The following LRBA variants were observed in gnomAD, a reference collection of about 807,000 sequenced individuals.
LRBA encodes LPS responsive beige-like anchor protein, also known as lipopolysaccharide-responsive and beige-like anchor protein.
A neutral mutation model predicts 330.0 loss-of-function variants in LRBA; 176 were observed. The observed-to-expected ratio is 0.53, with a 90% CI of 0.47 to 0.60. The LOEUF (loss-of-function observed/expected upper bound fraction) is 0.60. LRBA is among the 20% of genes least tolerant of loss of function. The probability of loss-of-function intolerance (pLI) is 0.00; values close to 1 mark genes in which losing one functional copy is unlikely to be tolerated. For synonymous variants in LRBA, 1,230 were observed against 1,193.0 expected (o/e 1.03, Z -0.64); for missense variants, 3,259 against 3,444.8 (o/e 0.95, Z 1.35).
chr4:150,746,310 C>T (rs751750483), intron 35 of LRBA, among the ~76,000 whole-genome samples: 5 of 151,952 alleles, frequency 3.3e-5, no homozygotes, highest in South Asian at 2.1e-4. Flanking sequence ...TGGAATGTAC[C>T]GTAATTTATC....
chr4:150,897,345 A>G (rs1426696614), intron 15 of LRBA, among the ~76,000 whole-genome samples: 3 of 152,038 alleles, frequency 2.0e-5, no homozygotes, highest in Non-Finnish European at 2.9e-5. Context: ...CTAAAGGCTC[A>G]TACACCTACC....
intron 31 of LRBA, among the ~76,000 whole-genome samples, chr4:150,813,365 A>T (rs944984243): frequency 6.6e-6 from 1 of 152,202 alleles, no homozygotes; most frequent in African/African-American, 2.4e-5. Context: ...CTTATTAATT[A>T]GAAGATACAA....
chr4:150,831,379 G>T (rs779504175), intron 29 of LRBA, among the ~76,000 whole-genome samples: 1 of 151,888 alleles, frequency 6.6e-6, no homozygotes, highest in African/African-American at 2.4e-5. Flanking sequence ...AATGAATATC[G>T]AGTGAATAAT....
At chr4:150,493,776 T>A (rs962576477) in intron 40 of LRBA, among the ~76,000 whole-genome samples, 1 of 152,212 alleles carries the variant, frequency 6.6e-6, no homozygotes, top group African/African-American at 2.4e-5. Flanking sequence ...ATCCAATATA[T>A]GTTCTGCAAC....
chr4:150,507,911 G>C (rs2152127062), intron 40 of LRBA, among the ~76,000 whole-genome samples: 1 of 152,090 alleles, frequency 6.6e-6, no homozygotes, highest in East Asian at 1.9e-4. Context: ...AAAATGATGA[G>C]TTCATGTCCT....
In LRBA at chr4:150,704,680, G is replaced by A. The variant is rs189920585; in HGVS notation, c.5755-20963C>T. Reference sequence around the variant, plus strand: ...CACAATGAAATAAATTACAAAATAAGTTGAAGCAGCAGCACAGAATTTATA... The same window carrying A: ...CACAATGAAATAAATTACAAAATAAATTGAAGCAGCAGCACAGAATTTATA... On this transcript the variant is annotated intron_variant, in intron 36 of 56. Coordinates refer to ENST00000651943, the MANE Select transcript of LRBA (RefSeq NM_001364905.1). Among the ~76,000 whole-genome samples, 352 of 152,166 alleles carry A rather than the reference G, an allele frequency of 2.3e-3. 4 individuals carry two copies. Among genetic ancestry groups the A allele is most frequent in the Admixed American group, 2.3e-3 (35 of 15,282 alleles).
At chr4:150,575,108 G>C (rs1770380746) in intron 40 of LRBA, among the ~76,000 whole-genome samples, 1 of 151,868 alleles carries the variant, frequency 6.6e-6, no homozygotes, top group African/African-American at 2.4e-5. Context: ...ATTCAGGAAA[G>C]AGACTGGCAG....
Position 150,761,863 on chromosome 4 carries a change from C to T in LRBA, c.5581-16G>A. ...TTTGCCACTCCTATAAAAAAAAAAG[C>T]AAAAATAGCTGAAGAAATGTCACTC... On this transcript the variant is annotated splice_polypyrimidine_tract_variant and intron_variant, in intron 34 of 56. Transcript: ENST00000651943. The T allele has an allele frequency of 7.5e-7, 1 of 1,326,252 alleles. No individual in the cohort carries two copies. The allele number at this position is 1,326,252 out of a possible 1,614,324, so 82.2% of individuals were successfully genotyped here.
intron 2 of LRBA, among the ~76,000 whole-genome samples, chr4:150,973,377 G>A (rs1228164541): frequency 6.6e-6 from 1 of 152,126 alleles, no homozygotes; most frequent in Non-Finnish European, 1.5e-5. Flanking sequence ...ATATTGGTCA[G>A]GCTGGTCTCA....
At chr4:150,413,270 C>T (rs1006395285) in intron 47 of LRBA, among the ~76,000 whole-genome samples, 2 of 151,720 alleles carry the variant, frequency 1.3e-5, no homozygotes, top group Admixed American at 6.6e-5. Context: ...AAATGGTAAA[C>T]ATTTTTATTA....
intron 2 of LRBA, among the ~76,000 whole-genome samples, chr4:150,932,283 A>C (rs1379135083): frequency 6.6e-6 from 1 of 151,892 alleles, no homozygotes; most frequent in Non-Finnish European, 1.5e-5. Flanking sequence ...TTTGCAACCC[A>C]TATCATTACA....
Position 150,620,255 on chromosome 4 carries a change from A to T in LRBA, c.5922-21124T>A, listed in dbSNP as rs570133120. On this transcript the variant is annotated intron_variant, in intron 37 of 56. Coordinates refer to ENST00000651943, the MANE Select transcript of LRBA (RefSeq NM_001364905.1). ...AAATGCAAATTAAAACCACAATGAG[A>T]TACCACCCTACTCCTGCAAGAATGG... 1.6e-3 allele frequency among the ~76,000 whole-genome samples: 239 copies of T among 152,298 alleles called. 1 individual carries two copies. The highest frequency in any genetic ancestry group is 5.4e-3 in the African/African-American group (223 of 41,562).
intron 22 of LRBA, among the ~76,000 whole-genome samples, chr4:150,862,057 T>C (rs552964318): frequency 1.2e-3 from 183 of 151,580 alleles, no homozygotes; most frequent in Admixed American, 2.0e-3. Flanking sequence ...TGTGGAGAAA[T>C]AGGAACACTT....
At chr4:150,500,057 A>T (rs1030995803) in intron 40 of LRBA, among the ~76,000 whole-genome samples, 10 of 151,956 alleles carry the variant, frequency 6.6e-5, no homozygotes, top group Non-Finnish European at 1.3e-4. Flanking sequence ...CTGTAGAATG[A>T]CTCCAGTGAA....
intron 44 of LRBA, among the ~76,000 whole-genome samples, chr4:150,466,582 T>C (rs540346609): frequency 1.9e-4 from 29 of 152,014 alleles, no homozygotes; most frequent in African/African-American, 6.0e-4. Flanking sequence ...AAGAGTGACA[T>C]ACAGGAATAA....
chr4:150,595,415 G>A (rs1773381403), intron 38 of LRBA, among the ~76,000 whole-genome samples: 1 of 151,884 alleles, frequency 6.6e-6, no homozygotes, highest in African/African-American at 2.4e-5. Context: ...TACATGATCT[G>A]TCATCCCTAG....
At chr4:150,587,617 A>G (rs976513350) in intron 40 of LRBA, among the ~76,000 whole-genome samples, 1 of 152,214 alleles carries the variant, frequency 6.6e-6, no homozygotes, top group Non-Finnish European at 1.5e-5. Flanking sequence ...ACATGCTTGC[A>G]TGCACGACAG....
At chr4:150,326,165 A>C (rs929764162) in intron 48 of LRBA, among the ~76,000 whole-genome samples, 1 of 152,144 alleles carries the variant, frequency 6.6e-6, no homozygotes, top group Non-Finnish European at 1.5e-5. Flanking sequence ...TTACAATCAG[A>C]AATTGTCCTT....
intron 44 of LRBA, among the ~76,000 whole-genome samples, chr4:150,459,684 C>T (rs898492920): frequency 6.6e-6 from 1 of 151,898 alleles, no homozygotes; most frequent in African/African-American, 2.4e-5. Flanking sequence ...CTCCCCATAT[C>T]ATTTTTATGC....
Sources: allele counts gnomAD v4.1 joint callset (sites outside exome capture counted in the v4.1 genomes callset), GRCh38; gene constraint gnomAD v4.1.1; transcripts MANE v1.5; gene names NCBI Gene and HGNC (gene_info 2026-07-23, HGNC 2026-07-21).